The following ZDHHC14 variants were observed in gnomAD, a reference collection of about 807,000 sequenced individuals.
ZDHHC14 encodes the protein zDHHC palmitoyltransferase 14.
A neutral mutation model predicts 47.7 loss-of-function variants in ZDHHC14; 16 were observed. That is an observed-to-expected ratio of 0.34 (90% CI 0.23 to 0.51). ZDHHC14 has a LOEUF of 0.51. Ranked by LOEUF, ZDHHC14 falls within the 20% of genes least tolerant of loss-of-function variation. ZDHHC14 has a pLI of 0.97. For synonymous variants in ZDHHC14, 293 were observed against 278.9 expected (o/e 1.05, Z -0.50); for missense variants, 515 against 662.5 (o/e 0.78, Z 2.44).
intron 1 of ZDHHC14, among the ~76,000 whole-genome samples, 195 bp from the exon 2 acceptor site, chr6:157,542,390 A>G (rs1781799573): frequency 6.6e-6 from 1 of 152,234 alleles, no homozygotes; most frequent in Admixed American, 6.5e-5. Context: ...GTGGGGGTTC[A>G]ATTGTCTGTA....
At chr6:157,579,419 A>G (rs951952516) in intron 2 of ZDHHC14, among the ~76,000 whole-genome samples, 1 of 151,964 alleles carries the variant, frequency 6.6e-6, no homozygotes, top group South Asian at 2.1e-4. Context: ...GGATGGTCTC[A>G]ATCTGCTGAC....
At chr6:157,421,476 G>A (rs1181097751) in intron 1 of ZDHHC14, among the ~76,000 whole-genome samples, 1 of 102,084 alleles carries the variant, frequency 9.8e-6, no homozygotes, top group African/African-American at 4.0e-5. Flanking sequence ...CTGGGCTACA[G>A]AGCCAGACTC....
chr6:157,384,721 A>G (rs958002803), intron 1 of ZDHHC14, among the ~76,000 whole-genome samples: 7 of 152,206 alleles, frequency 4.6e-5, no homozygotes, highest in African/African-American at 1.7e-4. Flanking sequence ...CAAATTCTTT[A>G]TTCATAAATT....
chr6:157,458,623 G>A (rs1778984912), intron 1 of ZDHHC14, among the ~76,000 whole-genome samples: 1 of 152,062 alleles, frequency 6.6e-6, no homozygotes. Context: ...GCAGGTGGGG[G>A]CTGTGGGGCT....
rs186364387 is a variant in ZDHHC14, at chr6:157,556,842, C to T, written c.406+14097C>T. 1.0e-3 allele frequency among the ~76,000 whole-genome samples: 157 copies of T among 152,230 alleles called. 2 individuals carry two copies. The highest frequency in any genetic ancestry group is 3.1e-3 in the African/African-American group (130 of 41,528). On this transcript the variant is annotated intron_variant, in intron 2 of 8. Transcript: ENST00000359775. ...AGGACAGGCCCGGGCGGGTTCCAGGCGAGCTGAAGAGTGCTGACTCTGGTG... is the reference window on the plus strand; with the variant it reads ...AGGACAGGCCCGGGCGGGTTCCAGGTGAGCTGAAGAGTGCTGACTCTGGTG...
At chr6:157,439,126 C>T (rs1778508634) in intron 1 of ZDHHC14, among the ~76,000 whole-genome samples, 1 of 152,182 alleles carries the variant, frequency 6.6e-6, no homozygotes, top group African/African-American at 2.4e-5. Context: ...TGTTCCCTGT[C>T]TAACATATCC....
intron 8 of ZDHHC14, among the ~76,000 whole-genome samples, chr6:157,669,649 G>A (rs1778704394): frequency 6.6e-6 from 1 of 152,252 alleles, no homozygotes; most frequent in South Asian, 2.1e-4. Flanking sequence ...ACAGAGACAA[G>A]CAAATCTAAT....
chr6:157,564,081 G>A (rs1004651517), intron 2 of ZDHHC14, among the ~76,000 whole-genome samples: 2 of 152,214 alleles, frequency 1.3e-5, no homozygotes, highest in African/African-American at 2.4e-5. Context: ...TCTCAGAATC[G>A]TATTTCTCCT....
At chr6:157,393,661 A>G (rs1418054923) in intron 1 of ZDHHC14, among the ~76,000 whole-genome samples, 1 of 152,114 alleles carries the variant, frequency 6.6e-6, no homozygotes, top group African/African-American at 2.4e-5. Flanking sequence ...CCTTTCTCTC[A>G]TAAGATCTCT....
intron 8 of ZDHHC14, among the ~76,000 whole-genome samples, chr6:157,657,822 C>T (rs888030255): frequency 3.3e-5 from 5 of 152,182 alleles, no homozygotes; most frequent in African/African-American, 1.2e-4. Context: ...AGCCAGCAGG[C>T]TTTAAGATGC....
chr6:157,571,670 A>G (rs924765079), intron 2 of ZDHHC14, among the ~76,000 whole-genome samples: 8 of 151,890 alleles, frequency 5.3e-5, no homozygotes, highest in South Asian at 2.1e-4. Flanking sequence ...TGTTACTTGT[A>G]TGGTGTACAA....
rs765454281 is a variant in ZDHHC14 at position 157,653,617 on chromosome 6, A to G, written c.1058A>G (p.Gln353Arg). 5.0e-6 allele frequency: 8 copies of G among 1,613,456 alleles called. No individual in the cohort carries two copies. The highest frequency in any genetic ancestry group is 6.8e-6 in the Non-Finnish European group (8 of 1,179,902). ...ACCATGTACGGGGCCACGCAGTCACAGAGTGACATGGTAGGAGTGGGGGCC... is the reference window on the plus strand; with the variant it reads ...ACCATGTACGGGGCCACGCAGTCACGGAGTGACATGGTAGGAGTGGGGGCC... The part of the protein sequence containing the change: ...GITMYGATQS[Q>R]SDMCDQDQCI... Residue 353 changes from glutamine to arginine, a missense_variant, in exon 8 of 9, where the codon CAG becomes CGG. Gln to Arg is a conservative substitution (Grantham distance 43). This residue lies in a region of ZDHHC14 where 221 missense variants were observed against 233.6 expected (regional missense o/e 0.95). Coordinates refer to ENST00000359775, the MANE Select transcript of ZDHHC14 (RefSeq NM_024630.3).
At chr6:157,489,898 G>C (rs1192610301) in intron 1 of ZDHHC14, among the ~76,000 whole-genome samples, 4 of 152,178 alleles carry the variant, frequency 2.6e-5, no homozygotes, top group African/African-American at 9.7e-5. Context: ...CGCTCTGGCT[G>C]CTGAGAGAAG....
At chr6:157,475,775 G>T (rs533993834) in intron 1 of ZDHHC14, among the ~76,000 whole-genome samples, 25 of 152,114 alleles carry the variant, frequency 1.6e-4, no homozygotes, top group African/African-American at 5.8e-4. Context: ...ACAGATTTTT[G>T]GTGGAGGAAT....
intron 5 of ZDHHC14, among the ~76,000 whole-genome samples, chr6:157,644,874 G>A (rs1481762866): frequency 6.6e-6 from 1 of 152,156 alleles, no homozygotes; most frequent in African/African-American, 2.4e-5. Context: ...AACATTTGTG[G>A]GACAGAAAAA....
rs200700905 is a variant in ZDHHC14, at chr6:157,593,024, C to T, written c.443C>T (p.Pro148Leu). The T allele has an allele frequency of 1.9e-6, 3 of 1,614,068 alleles. No homozygotes were observed. Among genetic ancestry groups the T allele is most frequent in the East Asian group, 2.2e-5 (1 of 44,860 alleles). Residue 148 changes from proline to leucine, a missense_variant, in exon 3 of 9, where the codon CCG becomes CTG. Coordinates refer to ENST00000359775, the MANE Select transcript of ZDHHC14 (RefSeq NM_024630.3). ...ANGTSSGGYR[P>L]PPRTKEVIIN... ...GGCACCAGTTCAGGGGGGTACCGCC[C>T]GCCTCCCAGAACCAAAGAAGTCATC...
intron 1 of ZDHHC14, among the ~76,000 whole-genome samples, chr6:157,422,311 C>A (rs1461327060): frequency 1.3e-5 from 2 of 151,960 alleles, no homozygotes; most frequent in African/African-American, 4.8e-5. Flanking sequence ...AGAAACAATG[C>A]AAATTGTATT....
intron 1 of ZDHHC14, among the ~76,000 whole-genome samples, chr6:157,469,453 A>G (rs928294958): frequency 6.6e-6 from 1 of 152,222 alleles, no homozygotes; most frequent in African/African-American, 2.4e-5. Context: ...ATCTTACGCA[A>G]TAATCATTTT....
intron 2 of ZDHHC14, among the ~76,000 whole-genome samples, chr6:157,566,921 G>A (rs1782926527): frequency 6.6e-6 from 1 of 150,928 alleles, no homozygotes; most frequent in Non-Finnish European, 1.5e-5. Context: ...TGTGATTTCG[G>A]CTCACTGCAA....
Sources: gnomAD v4.1 joint callset for allele counts (sites outside exome capture counted in the v4.1 genomes callset) on GRCh38, gnomAD v4.1.1 for gene constraint, gnomAD v4.1.1 regional missense constraint, MANE v1.5 for transcripts, NCBI Gene and HGNC (gene_info 2026-07-23, HGNC 2026-07-21) for gene names.